The following WWOX variants were observed in gnomAD, a reference collection of about 807,000 sequenced individuals.
WWOX encodes WW domain-containing oxidoreductase.
WWOX carries 69 observed loss-of-function variants against 46.2 expected under a neutral mutation model. The observed-to-expected ratio is 1.49, with a 90% confidence interval of 1.23 to 1.82. The LOEUF is 1.82. Ranked by LOEUF, WWOX falls within the 40% of genes most tolerant of loss-of-function variation. WWOX has a pLI of 0.00. For synonymous variants in WWOX, 359 were observed against 202.6 expected (o/e 1.77, Z -6.56); for missense variants, 919 against 542.6 (o/e 1.69, Z -6.89).
chr16:79,176,858 A>G (rs1241837269), intron 8 of WWOX, among the ~76,000 whole-genome samples: 4 of 152,176 alleles, frequency 2.6e-5, no homozygotes, highest in Admixed American at 6.5e-5. Context: ...TTTGAAAAGT[A>G]TATCATCATC....
chr16:78,531,970 A>G (rs1328736328), intron 8 of WWOX, among the ~76,000 whole-genome samples: 1 of 152,016 alleles, frequency 6.6e-6, no homozygotes, highest in African/African-American at 2.4e-5. Flanking sequence ...AAATTTTTAA[A>G]GTAAAGTAAT....
intron 5 of WWOX, among the ~76,000 whole-genome samples, chr16:78,224,883 A>G (rs2037000086): frequency 6.6e-6 from 1 of 152,210 alleles, no homozygotes; most frequent in Non-Finnish European, 1.5e-5. Context: ...TGATGTGTTA[A>G]CAATTTCTTT....
At chr16:78,689,612 T>C (rs2047940284) in intron 8 of WWOX, among the ~76,000 whole-genome samples, 1 of 152,146 alleles carries the variant, frequency 6.6e-6, no homozygotes, top group African/African-American at 2.4e-5. Context: ...TCAGCAAAAA[T>C]CCTGCTAACT....
intron 4 of WWOX, among the ~76,000 whole-genome samples, chr16:78,133,012 T>C (rs1484815741): frequency 1.3e-5 from 2 of 152,184 alleles, no homozygotes; most frequent in Non-Finnish European, 1.5e-5. Context: ...CTGGATGGTA[T>C]TTGGATCTAC....
intron 8 of WWOX, among the ~76,000 whole-genome samples, chr16:78,864,536 T>A (rs2043960402): frequency 6.6e-6 from 1 of 152,126 alleles, no homozygotes; most frequent in Non-Finnish European, 1.5e-5. Flanking sequence ...CCCAAAATGC[T>A]GGGATTATAG....
intron 5 of WWOX, among the ~76,000 whole-genome samples, chr16:78,233,591 A>G (rs1469662859): frequency 1.4e-5 from 2 of 143,282 alleles, no homozygotes; most frequent in South Asian, 2.2e-4. Flanking sequence ...CACTATCGCG[A>G]TCTCGGCTCA....
chr16:78,489,018 C>T lies in WWOX; in HGVS notation c.1056+56266C>T, dbSNP rs1027558145. Among the ~76,000 whole-genome samples, 8 of 152,144 alleles carry T rather than the reference C, an allele frequency of 5.3e-5. No homozygotes were observed. The East Asian group carries it at 1.5e-3, about 29-fold the overall frequency. On this transcript the variant is annotated intron_variant, in intron 8 of 8. Transcript: ENST00000566780. ...GCAGTCTCTGCAGAGTGTCTAAATC[C>T]TGCTCTGGGCCAGCCCTTTCAGAAA...
intron 8 of WWOX, among the ~76,000 whole-genome samples, chr16:78,432,978 T>C (rs560101892): frequency 2.0e-5 from 3 of 152,296 alleles, no homozygotes; most frequent in East Asian, 1.9e-4. Context: ...TTCAGTATCA[T>C]GTTAAGTATG....
Position 78,669,779 on chromosome 16 carries a change from G to C in WWOX, c.1056+237027G>C, listed in dbSNP as rs191690928. On this transcript the variant is annotated intron_variant, in intron 8 of 8. Transcript: ENST00000566780. Reference sequence around the variant, plus strand: ...AAATTTGCATCCATGCATCCCACATGGCACCCCTATTGATTATTTCAGTGA... The same window carrying C: ...AAATTTGCATCCATGCATCCCACATCGCACCCCTATTGATTATTTCAGTGA... Among the ~76,000 whole-genome samples, 561 of 152,140 alleles carry C rather than the reference G, an allele frequency of 3.7e-3. 12 individuals are homozygous for C. The highest frequency in any genetic ancestry group is 1.6e-3 in the Non-Finnish European group (106 of 68,024).
At chr16:79,113,825 G>A (rs1231275816) in intron 8 of WWOX, among the ~76,000 whole-genome samples, 3 of 152,232 alleles carry the variant, frequency 2.0e-5, no homozygotes, top group Admixed American at 6.5e-5. Context: ...AACACCAGAT[G>A]CGAAGAGCTA....
At chr16:78,127,851 A>G (rs985512175) in intron 4 of WWOX, among the ~76,000 whole-genome samples, 6 of 152,148 alleles carry the variant, frequency 3.9e-5, no homozygotes, top group African/African-American at 9.7e-5. Flanking sequence ...TCTACTGGAC[A>G]TGGTAGGAAG....
At chr16:78,265,312 T>C (rs1217648145) in intron 5 of WWOX, among the ~76,000 whole-genome samples, 1 of 151,836 alleles carries the variant, frequency 6.6e-6, no homozygotes, top group Non-Finnish European at 1.5e-5. Context: ...TAATTTCTGT[T>C]GAATGTATGT....
chr16:78,583,233 G>T (rs919621490), intron 8 of WWOX, among the ~76,000 whole-genome samples: 3 of 152,176 alleles, frequency 2.0e-5, no homozygotes, highest in African/African-American at 7.2e-5. Flanking sequence ...TTCAACCAAA[G>T]AACCAGGGCC....
chr16:78,920,036 A>T (rs9926695), intron 8 of WWOX, among the ~76,000 whole-genome samples: 3,007 of 152,240 alleles, frequency 0.02, 97 homozygotes, highest in African/African-American at 0.068. Flanking sequence ...CAGTCAGCGT[A>T]GACTAGGTTT....
chr16:78,952,294 CCTT>C (rs1567433181), intron 8 of WWOX, among the ~76,000 whole-genome samples: 1 of 152,072 alleles, frequency 6.6e-6, no homozygotes, highest in Non-Finnish European at 1.5e-5. Context: ...TGCATTAAAT[CCTT>C]CTATAAGTTT....
At chr16:78,281,331 A>C (rs925031362) in intron 5 of WWOX, among the ~76,000 whole-genome samples, 1 of 152,210 alleles carries the variant, frequency 6.6e-6, no homozygotes, top group Non-Finnish European at 1.5e-5. Context: ...CAAATATCCA[A>C]ACTATATCAG....
intron 8 of WWOX, among the ~76,000 whole-genome samples, chr16:78,973,593 C>T (rs1359047872): frequency 1.3e-5 from 2 of 152,058 alleles, no homozygotes; most frequent in African/African-American, 4.8e-5. Context: ...CTTTCTGTCT[C>T]AGTCTCTCAA....
chr16:78,850,460 A>G (rs1003367919), intron 8 of WWOX, among the ~76,000 whole-genome samples: 1 of 152,242 alleles, frequency 6.6e-6, no homozygotes, highest in African/African-American at 2.4e-5. Context: ...GAAAGTCCTT[A>G]TAGCTCATGA....
intron 8 of WWOX, among the ~76,000 whole-genome samples, chr16:78,978,679 C>T (rs573726669): frequency 1.2e-4 from 19 of 152,342 alleles, no homozygotes; most frequent in East Asian, 5.8e-4. Context: ...GCACATCTTA[C>T]ATCGCCAGAG....
Sources: allele counts gnomAD v4.1 joint callset (sites outside exome capture counted in the v4.1 genomes callset), GRCh38; gene constraint gnomAD v4.1.1; transcripts MANE v1.5; gene names NCBI Gene and HGNC (gene_info 2026-07-23, HGNC 2026-07-21).